The following FAF1 variants were observed in gnomAD, a reference collection of about 807,000 sequenced individuals.
FAF1 encodes the protein FAS-associated factor 1.
In FAF1, 25 loss-of-function variants were observed where a neutral mutation model predicts 92.5. The observed-to-expected ratio is 0.27, with a 90% CI of 0.20 to 0.38. The LOEUF is 0.38. FAF1 is among the 10% of genes least tolerant of loss of function. The probability of loss-of-function intolerance (pLI) is 1.00; values close to 1 mark genes in which losing one functional copy is unlikely to be tolerated. For missense variants in FAF1, 636 were observed against 793.3 expected (o/e 0.80, Z 2.38); for synonymous variants, 234 against 273.2 (o/e 0.86, Z 1.42).
intron 7 of FAF1, among the ~76,000 whole-genome samples, chr1:50,671,482 T>C (rs1655874514): frequency 6.6e-6 from 1 of 152,072 alleles, no homozygotes; most frequent in Non-Finnish European, 1.5e-5. Context: ...CATCAATCCA[T>C]ACATTCACAA....
intron 8 of FAF1, among the ~76,000 whole-genome samples, chr1:50,645,886 A>C (rs1276316295): frequency 6.6e-6 from 1 of 152,136 alleles, no homozygotes; most frequent in East Asian, 1.9e-4. Flanking sequence ...TCCCAAGAAA[A>C]TACTATTGAC....
intron 2 of FAF1, among the ~76,000 whole-genome samples, chr1:50,835,668 C>T (rs753340548): frequency 1.3e-4 from 19 of 151,338 alleles, no homozygotes; most frequent in East Asian, 5.8e-4. Context: ...CATCTAAACA[C>T]GGTAGCTGCT....
chr1:50,489,635 G>GTACA (rs138504701), intron 17 of FAF1, among the ~76,000 whole-genome samples: 1,919 of 152,312 alleles, frequency 0.013, 18 homozygotes, highest in Middle Eastern at 0.02. Flanking sequence ...GGAGCACATA[G>GTACA]TACATATCCC....
chr1:50,689,533 G>A (rs1656823315), intron 7 of FAF1, among the ~76,000 whole-genome samples: 3 of 152,258 alleles, frequency 2.0e-5, no homozygotes, highest in East Asian at 1.9e-4. Flanking sequence ...GCAGTGAGCC[G>A]AGATTGCGCC....
intron 2 of FAF1, among the ~76,000 whole-genome samples, chr1:50,838,483 A>G (rs1644230278): frequency 6.7e-6 from 1 of 148,594 alleles, no homozygotes. Flanking sequence ...ATAATTATAT[A>G]TAAATATAAG....
At chr1:50,744,343 C>G (rs1482813763) in intron 5 of FAF1, among the ~76,000 whole-genome samples, 7 of 152,042 alleles carry the variant, frequency 4.6e-5, no homozygotes, top group Non-Finnish European at 8.8e-5. Context: ...TGTAATTGCT[C>G]AGAAAATTAT....
At chr1:50,457,533 A>C (rs1254371962) in intron 18 of FAF1, among the ~76,000 whole-genome samples, 1 of 152,150 alleles carries the variant, frequency 6.6e-6, no homozygotes, top group Non-Finnish European at 1.5e-5. Context: ...CAGAACTAAC[A>C]ATTTTTAATT....
chr1:50,625,120 G>A (rs541612944), intron 8 of FAF1, among the ~76,000 whole-genome samples: 4 of 151,966 alleles, frequency 2.6e-5, no homozygotes, highest in South Asian at 4.1e-4. Flanking sequence ...GGCTGGTCTC[G>A]AACTCCTGAC....
chr1:50,498,705 CT>C (rs1357097189), intron 15 of FAF1, among the ~76,000 whole-genome samples: 1 of 151,996 alleles, frequency 6.6e-6, no homozygotes, highest in African/African-American at 2.4e-5. Flanking sequence ...CAAAAATTAC[CT>C]GGGTGTGGGG....
At chr1:50,891,958 G>A (rs1297315557) in intron 1 of FAF1, among the ~76,000 whole-genome samples, 2 of 152,214 alleles carry the variant, frequency 1.3e-5, no homozygotes, top group East Asian at 3.9e-4. Context: ...CCCCAGAGGT[G>A]GAGTCTACAG....
At chr1:50,499,945 GGATA>G (rs1383847506) in intron 15 of FAF1, among the ~76,000 whole-genome samples, 1 of 151,848 alleles carries the variant, frequency 6.6e-6, no homozygotes, top group African/African-American at 2.4e-5. Flanking sequence ...AAATACTTGG[GGATA>G]GATTTAACAA....
intron 7 of FAF1, among the ~76,000 whole-genome samples, chr1:50,674,337 C>G (rs1456997455): frequency 6.6e-6 from 1 of 151,918 alleles, no homozygotes; most frequent in Non-Finnish European, 1.5e-5. Context: ...GTAGATCATC[C>G]CCTCCCCTCA....
At chr1:50,570,678 T>C (rs1241385416) in intron 12 of FAF1, among the ~76,000 whole-genome samples, 1 of 152,188 alleles carries the variant, frequency 6.6e-6, no homozygotes, top group East Asian at 1.9e-4. Context: ...TTCTCTGACA[T>C]AAGCTTTCAA....
At chr1:50,875,334 T>C (rs1015885048) in intron 1 of FAF1, among the ~76,000 whole-genome samples, 11 of 152,226 alleles carry the variant, frequency 7.2e-5, no homozygotes, top group Non-Finnish European at 1.3e-4. Flanking sequence ...TATGTATACA[T>C]TGTAGAATGG....
At position 50,469,768 on chromosome 1, in the gene FAF1, A is replaced by C. The variant is rs554658287; in HGVS notation, c.1869+5696T>G. On this transcript the variant is annotated intron_variant, in intron 18 of 18. Transcript: ENST00000396153. ...AGTGGTATAGAGGGAAAGAGAAGAA[A>C]AGAACAGATTTGAGAGAAGTTTAGA... 2.5e-3 allele frequency among the ~76,000 whole-genome samples: 373 copies of C among 152,242 alleles called. 1 individual carries two copies. The highest frequency in any genetic ancestry group is 8.7e-3 in the African/African-American group (362 of 41,556).
intron 18 of FAF1, chr1:50,469,472 A>T (rs2148995265): frequency 6.6e-6 from 1 of 152,338 alleles, no homozygotes; most frequent in South Asian, 2.1e-4. Flanking sequence ...GATGAGATGC[A>T]TGTGCTGAGG....
At chr1:50,708,002 G>C (rs1657760774) in intron 6 of FAF1, among the ~76,000 whole-genome samples, 2 of 152,140 alleles carry the variant, frequency 1.3e-5, no homozygotes, top group African/African-American at 2.4e-5. Context: ...TAGAGATGAG[G>C]TTTCACTATG....
chr1:50,475,416 C>A (rs1342769422), intron 18 of FAF1, 48 bp downstream of exon 18: 1 of 1,434,952 alleles, frequency 7.0e-7, no homozygotes, highest in Non-Finnish European at 9.7e-7. Flanking sequence ...TTAATGATGG[C>A]ACATCTCCCA....
intron 12 of FAF1, among the ~76,000 whole-genome samples, chr1:50,568,783 G>A (rs1453583107): frequency 6.6e-6 from 1 of 152,060 alleles, no homozygotes; most frequent in African/African-American, 2.4e-5. Flanking sequence ...AGTGGTAGCA[G>A]GGAAATCAAC....
Sources: gnomAD v4.1 joint callset for allele counts (sites outside exome capture counted in the v4.1 genomes callset) on GRCh38, gnomAD v4.1.1 for gene constraint, MANE v1.5 for transcripts, NCBI Gene and HGNC (gene_info 2026-07-23, HGNC 2026-07-21) for gene names.